Variants in RXRG observed in about 807,000 individuals in gnomAD.
The protein encoded by RXRG is retinoid X receptor gamma, also known as retinoic acid receptor RXR-gamma.
A neutral mutation model predicts 49.2 loss-of-function variants in RXRG; 19 were observed. That is an observed-to-expected ratio of 0.39 (90% CI 0.27 to 0.57). The LOEUF (loss-of-function observed/expected upper bound fraction) is 0.57. Among genes scored for constraint, RXRG ranks in the 20% least tolerant of loss-of-function variants. The probability of loss-of-function intolerance (pLI) is 0.64; values close to 1 mark genes in which losing one functional copy is unlikely to be tolerated. For missense variants in RXRG, 452 were observed against 592.5 expected, an observed-to-expected ratio of 0.76 and a Z score of 2.46; for synonymous variants, 224 against 216.6, an observed-to-expected ratio of 1.03 and a Z score of -0.30.
chr1:165,426,533 A>G (rs1658492758), intron 2 of RXRG, among the ~76,000 whole-genome samples: 1 of 152,172 alleles, frequency 6.6e-6, no homozygotes, highest in Non-Finnish European at 1.5e-5. Context: ...GCTCTATGCT[A>G]TAACTCCACA....
chr1:165,429,658 T>C (rs970118248), intron 1 of RXRG, among the ~76,000 whole-genome samples: 1 of 152,130 alleles, frequency 6.6e-6, no homozygotes, highest in African/African-American at 2.4e-5. Context: ...GGGAGAAGAC[T>C]TGGAATGGCT....
intron 1 of RXRG, among the ~76,000 whole-genome samples, chr1:165,430,265 T>C (rs1658627997): frequency 6.6e-6 from 1 of 152,202 alleles, no homozygotes; most frequent in Non-Finnish European, 1.5e-5. Flanking sequence ...ATGTGGCTCA[T>C]TATTCATCCA....
At position 165,417,269 on chromosome 1, in the gene RXRG, G is replaced by T. The variant is rs763156803; in HGVS notation, c.443-49C>A. On this transcript the variant is annotated intron_variant, in intron 3 of 9. Transcript: ENST00000359842. The stretch of plus-strand genomic sequence containing the variant: ...CATAGATTGTTCTTGTGTTTATTTG[G>T]ATCTTTCATTCAAAAGAACCTCTTG... The T allele has an allele frequency of 4.6e-6, 7 of 1,516,928 alleles. No homozygotes were observed. The African/African-American group carries it at 8.3e-5, about 18-fold the overall frequency. The allele number at this position is 1,516,928 out of a possible 1,614,324, so 94.0% of individuals were successfully genotyped here.
chr1:165,403,245 G>A (rs771605541), intron 9 of RXRG, among the ~76,000 whole-genome samples: 22 of 152,214 alleles, frequency 1.4e-4, no homozygotes, highest in African/African-American at 5.1e-4. Context: ...CATTTTTAAC[G>A]TTATTAATGC....
At chr1:165,429,514 G>A (rs557657755) in intron 1 of RXRG, among the ~76,000 whole-genome samples, 1 of 152,206 alleles carries the variant, frequency 6.6e-6, no homozygotes, top group African/African-American at 2.4e-5. Flanking sequence ...GACATCAGGA[G>A]TCACATTCCA....
intron 1 of RXRG, among the ~76,000 whole-genome samples, chr1:165,432,115 A>G (rs1183005997): frequency 3.3e-5 from 5 of 152,224 alleles, no homozygotes; most frequent in Non-Finnish European, 5.9e-5. Flanking sequence ...AAATAAAATG[A>G]GATAATGATG....
rs778937956 is a variant in RXRG at position 165,411,047 on chromosome 1, T to C, written c.685A>G (p.Ser229Gly). The C allele has an allele frequency of 1.2e-6, 2 of 1,614,160 alleles. No individual in the cohort carries two copies. The highest frequency in any genetic ancestry group is 1.1e-5 in the South Asian group (1 of 91,082). ...RAESEAECAT[S>G]GHEDMPVERI... ...TCCACAGGCATGTCTTCATGACCAC[T>C]GGTAGCACATTCTGCCTCACTCTCA... Residue 229 changes from serine to glycine, a missense_variant, in exon 5 of 10, where the codon AGT becomes GGT. Ser to Gly is a moderately conservative substitution (Grantham distance 56). Coordinates refer to ENST00000359842, the MANE Select transcript of RXRG (RefSeq NM_006917.5).
intron 9 of RXRG, among the ~76,000 whole-genome samples, chr1:165,405,889 T>C (rs1298373848): frequency 6.6e-6 from 1 of 152,228 alleles, no homozygotes; most frequent in Non-Finnish European, 1.5e-5. Flanking sequence ...TCTGGACAAT[T>C]GCTAGAGGTT....
intron 2 of RXRG, among the ~76,000 whole-genome samples, chr1:165,421,829 G>A (rs1202274546): frequency 1.3e-5 from 2 of 152,066 alleles, no homozygotes; most frequent in South Asian, 2.1e-4. Context: ...ACTGTGCCTG[G>A]CTGGCTCTGG....
At chr1:165,407,007 A>G (rs1657778084) in intron 8 of RXRG, 90 bp from the exon 9 acceptor site, 1 of 852,318 alleles carries the variant, frequency 1.2e-6, no homozygotes. Flanking sequence ...TAGAGTTACT[A>G]GAGACACCCT....
At chr1:165,438,446 A>C (rs1243191700) in intron 1 of RXRG, among the ~76,000 whole-genome samples, 1 of 152,180 alleles carries the variant, frequency 6.6e-6, no homozygotes, top group Middle Eastern at 3.2e-3. Flanking sequence ...CATAACTACA[A>C]CACCACTTTA....
Position 165,408,219 on chromosome 1 carries a change from G to T in RXRG, c.1138+8C>A. On this transcript the variant is annotated splice_region_variant and intron_variant, in intron 8 of 9. Coordinates refer to ENST00000359842, the MANE Select transcript of RXRG (RefSeq NM_006917.5). ...CACACACATCCCCTGGGGTTGAAGGGCGGTTACCTGGGTTAAAGAGTACAA... is the reference window on the plus strand; with the variant it reads ...CACACACATCCCCTGGGGTTGAAGGTCGGTTACCTGGGTTAAAGAGTACAA... 6.2e-7 allele frequency: 1 copy of T among 1,609,530 alleles called. No homozygotes were observed. The highest frequency in any genetic ancestry group is 8.5e-7 in the Non-Finnish European group (1 of 1,175,782).
At chr1:165,412,414 G>C (rs1033613222) in intron 4 of RXRG, among the ~76,000 whole-genome samples, 2 of 152,168 alleles carry the variant, frequency 1.3e-5, no homozygotes, top group African/African-American at 4.8e-5. Context: ...AGAGAGAACA[G>C]AGAGGAGAAA....
intron 4 of RXRG, among the ~76,000 whole-genome samples, chr1:165,414,345 A>C (rs1658056069): frequency 6.6e-6 from 1 of 152,238 alleles, no homozygotes; most frequent in Admixed American, 6.5e-5. Flanking sequence ...CTTACAGTTC[A>C]CATGTCCCTG....
intron 1 of RXRG, among the ~76,000 whole-genome samples, chr1:165,444,479 A>G (rs1659099284): frequency 3.9e-5 from 6 of 152,198 alleles, no homozygotes; most frequent in Admixed American, 3.9e-4. Flanking sequence ...TAGGAACATC[A>G]TAGTAATTCC....
chr1:165,415,966 G>A (rs1658113475), intron 4 of RXRG, among the ~76,000 whole-genome samples: 2 of 152,244 alleles, frequency 1.3e-5, no homozygotes, highest in African/African-American at 4.8e-5. Context: ...CTCATCTGGC[G>A]GATGGTTACA....
chr1:165,409,265 G>A (rs544808481), intron 7 of RXRG, among the ~76,000 whole-genome samples: 1 of 152,168 alleles, frequency 6.6e-6, no homozygotes, highest in Non-Finnish European at 1.5e-5. Flanking sequence ...TGGGAGAATA[G>A]GTTCTCCCAA....
chr1:165,420,000 G>C lies in RXRG; in HGVS notation c.312C>G (p.Asn104Lys), dbSNP rs753058077. Residue 104 changes from asparagine to lysine, a missense_variant, in exon 3 of 10, where the codon AAC becomes AAG. Physicochemically the swap from Asn to Lys is moderately conservative, Grantham distance 94. Coordinates refer to ENST00000359842, the MANE Select transcript of RXRG (RefSeq NM_006917.5). Reference protein sequence around the residue: ...APPSSQLNVVNSVSSSEDIKP... With the variant: ...APPSSQLNVVKSVSSSEDIKP... Reference sequence around the variant, plus strand: ...TGATGTCCTCTGAACTGCTGACACTGTTGACCACATTTAGCTGCAAGAGAA... The same window carrying C: ...TGATGTCCTCTGAACTGCTGACACTCTTGACCACATTTAGCTGCAAGAGAA... 12 of 1,602,446 alleles carry C rather than the reference G, an allele frequency of 7.5e-6. No homozygotes were observed. Among genetic ancestry groups the C allele is most frequent in the Non-Finnish European group, 1.0e-5 (12 of 1,174,244 alleles).
At chr1:165,409,353 TC>T (rs1208536994) in intron 7 of RXRG, among the ~76,000 whole-genome samples, 1 of 152,140 alleles carries the variant, frequency 6.6e-6, no homozygotes, top group Non-Finnish European at 1.5e-5. Flanking sequence ...TCTCCCTCAT[TC>T]CCCAGGTTTA....
Sources: gnomAD v4.1 joint callset for allele counts (sites outside exome capture counted in the v4.1 genomes callset) on GRCh38, gnomAD v4.1.1 for gene constraint, MANE v1.5 for transcripts, NCBI Gene and HGNC (gene_info 2026-07-23, HGNC 2026-07-21) for gene names.